The following CASD1 variants were observed in gnomAD, a reference collection of about 807,000 sequenced individuals.
CASD1 encodes N-acetylneuraminate (7)9-O-acetyltransferase.
A neutral mutation model predicts 100.0 loss-of-function variants in CASD1; 41 were observed. The ratio of observed to expected loss-of-function variants is 0.41; its 90% CI spans 0.32 to 0.53. CASD1 has a LOEUF of 0.53. Ranked by LOEUF, CASD1 falls within the 20% of genes least tolerant of loss-of-function variation. The pLI is 0.25. For missense variants in CASD1, 774 were observed against 948.7 expected, an observed-to-expected ratio of 0.82 and a Z score of 2.42; for synonymous variants, 321 against 315.6, an observed-to-expected ratio of 1.02 and a Z score of -0.18.
chr7:94,614,107 CAAAAAAAAAAAAA>C, the CASD1 span, among the ~76,000 whole-genome samples: 1 of 94,964 alleles, frequency 1.1e-5, no homozygotes, highest in African/African-American at 4.8e-5. Context: ...AAATTGAAAT[CAAAAAAAAAAAAA>C]AAAAAAAAAA....
chr7:94,602,586 G>GA, the CASD1 span, among the ~76,000 whole-genome samples: 139 of 140,778 alleles, frequency 9.9e-4, 1 homozygote, highest in Middle Eastern at 0.015. Context: ...AATATGAAAA[G>GA]AAAAAAAAAA....
At chr7:94,617,274 T>G in the CASD1 span, 2 of 152,198 alleles carry the variant, frequency 1.3e-5, no homozygotes, top group African/African-American at 4.8e-5. Flanking sequence ...GTTGCTTGGT[T>G]CAATTTAGTT....
the CASD1 span, among the ~76,000 whole-genome samples, chr7:94,583,700 A>G: frequency 6.6e-6 from 1 of 152,182 alleles, no homozygotes; most frequent in African/African-American, 2.4e-5. Context: ...GAACCACTAC[A>G]GTCAGTATTT....
chr7:94,574,547 TTTTA>T, the CASD1 span, among the ~76,000 whole-genome samples: 1 of 152,126 alleles, frequency 6.6e-6, no homozygotes, highest in Non-Finnish European at 1.5e-5. Context: ...TGATGGTTAG[TTTTA>T]TTTCTTTGTG....
intron 5 of CASD1, among the ~76,000 whole-genome samples, chr7:94,532,500 A>G (rs1037002717): frequency 6.6e-6 from 1 of 152,200 alleles, no homozygotes; most frequent in African/African-American, 2.4e-5. Flanking sequence ...CAGGAGAGAC[A>G]GTGCCGGATA....
intron 1 of CASD1, among the ~76,000 whole-genome samples, chr7:94,515,723 C>G (rs988834511): frequency 1.3e-5 from 2 of 151,750 alleles, no homozygotes; most frequent in East Asian, 3.9e-4. Flanking sequence ...AACAACACCC[C>G]CCTCCCCCTA....
the CASD1 span, chr7:94,625,576 A>ATGAAAAG: frequency 6.6e-6 from 1 of 152,110 alleles, no homozygotes; most frequent in Non-Finnish European, 1.5e-5. Context: ...GTTTTATTAT[A>ATGAAAAG]ATTGCATGAA....
intron 15 of CASD1, 71 bp from the exon 16 acceptor site, chr7:94,552,279 A>C (rs1200464954): frequency 1.9e-6 from 2 of 1,042,436 alleles, no homozygotes; most frequent in Non-Finnish European, 2.9e-6. Flanking sequence ...ACTGTAAAAA[A>C]AAAACACTGT....
chr7:94,618,811 C>T, the CASD1 span: 13 of 1,613,966 alleles, frequency 8.1e-6, no homozygotes, highest in East Asian at 1.1e-4. Flanking sequence ...TGTCTAGGGC[C>T]GATGTGATGT....
chr7:94,545,350 A>G (rs972841159), intron 11 of CASD1, among the ~76,000 whole-genome samples, 195 bp from the exon 12 acceptor site: 4 of 152,058 alleles, frequency 2.6e-5, no homozygotes, highest in South Asian at 4.1e-4. Context: ...TGATGTATAC[A>G]TATTTTATAT....
the CASD1 span, among the ~76,000 whole-genome samples, chr7:94,622,943 G>A: frequency 2.6e-5 from 4 of 152,026 alleles, no homozygotes; most frequent in African/African-American, 9.7e-5. Flanking sequence ...AATAAAACTA[G>A]TTAGTAATTA....
At chr7:94,606,961 AG>A in the CASD1 span, among the ~76,000 whole-genome samples, 1 of 152,184 alleles carries the variant, frequency 6.6e-6, no homozygotes, top group Non-Finnish European at 1.5e-5. Context: ...ATTTGGCAAA[AG>A]CAATACTTAG....
chr7:94,537,170 T>C (rs988198321), intron 8 of CASD1, among the ~76,000 whole-genome samples: 2 of 151,936 alleles, frequency 1.3e-5, no homozygotes, highest in African/African-American at 4.8e-5. Flanking sequence ...AGGAATAGAA[T>C]AGAACAATCT....
intron 10 of CASD1, among the ~76,000 whole-genome samples, chr7:94,539,667 T>G (rs1390575167): frequency 1.7e-5 from 1 of 58,680 alleles, no homozygotes; most frequent in Non-Finnish European, 4.0e-5. Context: ...AGACTCCGTC[T>G]CAAAAAAAAA....
intron 9 of CASD1, among the ~76,000 whole-genome samples, 188 bp from the exon 10 acceptor site, chr7:94,538,779 A>G (rs1795241379): frequency 6.6e-6 from 1 of 152,208 alleles, no homozygotes; most frequent in African/African-American, 2.4e-5. Context: ...ATTATATTTA[A>G]AACAGTTTTA....
In CASD1 at chr7:94,545,565, C is replaced by T. The variant is rs769521644; in HGVS notation, c.1497C>T (p.Phe499=). Residue 499 remains phenylalanine, a synonymous_variant, in exon 12 of 18, where the codon TTC becomes TTT. Transcript: ENST00000297273. ...RVCQVLFRLN[F]LVVVLCIVMD... is the part of the protein sequence containing the mutation. ...AATAGGTTTTATTTCGTCTCAATTTCCTGGTAGTGGTGTTATGTATAGTAA... is the reference window on the plus strand; with the variant it reads ...AATAGGTTTTATTTCGTCTCAATTTTCTGGTAGTGGTGTTATGTATAGTAA... 1 of 1,602,066 alleles carries T rather than the reference C, an allele frequency of 6.2e-7. No homozygotes were observed. Among genetic ancestry groups the T allele is most frequent in the Admixed American group, 1.7e-5 (1 of 58,886 alleles).
intron 10 of CASD1, among the ~76,000 whole-genome samples, chr7:94,543,226 C>T (rs904291198): frequency 6.6e-6 from 1 of 152,046 alleles, no homozygotes; most frequent in Non-Finnish European, 1.5e-5. Flanking sequence ...TTGTTTTCCC[C>T]AGAAAAAATA....
At chr7:94,557,828 T>C (rs1157387610), downstream of CASD1, among the ~76,000 whole-genome samples, 1 of 152,070 alleles carries the variant, frequency 6.6e-6, no homozygotes, top group Non-Finnish European at 1.5e-5. Flanking sequence ...TTTTCTTAAT[T>C]AGTCTTAAAA....
At chr7:94,579,130 C>T in the CASD1 span, among the ~76,000 whole-genome samples, 2 of 151,390 alleles carry the variant, frequency 1.3e-5, no homozygotes, top group Non-Finnish European at 2.9e-5. Context: ...TAGTTCAATG[C>T]CTAGAACACA....
Sources: allele counts gnomAD v4.1 joint callset (sites outside exome capture counted in the v4.1 genomes callset), GRCh38; gene constraint gnomAD v4.1.1; transcripts MANE v1.5; gene names NCBI Gene and HGNC (gene_info 2026-07-23, HGNC 2026-07-21).